Variants in ZNF536 observed in about 807,000 individuals in gnomAD.
ZNF536 encodes the protein zinc finger protein 536.
A neutral mutation model predicts 84.5 loss-of-function variants in ZNF536; 13 were observed. The ratio of observed to expected loss-of-function variants is 0.15; its 90% CI spans 0.10 to 0.24. The LOEUF (loss-of-function observed/expected upper bound fraction) is 0.24. Among genes scored for constraint, ZNF536 ranks in the 10% least tolerant of loss-of-function variants. The pLI is 1.00. For missense variants in ZNF536, 1,536 were observed against 1,747.5 expected (o/e 0.88, Z 2.16); for synonymous variants, 811 against 742.5 (o/e 1.09, Z -1.50).
chr19:30,390,963 G>A (rs561635106), intron 1 of ZNF536, among the ~76,000 whole-genome samples: 1 of 152,314 alleles, frequency 6.6e-6, no homozygotes, highest in East Asian at 1.9e-4. Context: ...AACCTCGGGG[G>A]CTACGTGCCC....
intron 1 of ZNF536, among the ~76,000 whole-genome samples, chr19:30,604,859 T>G (rs1312836588): frequency 6.6e-6 from 1 of 152,174 alleles, no homozygotes; most frequent in Non-Finnish European, 1.5e-5. Flanking sequence ...GGCCCTGAAA[T>G]CTTCGTGCAT....
chr19:30,270,351 C>G (rs1025266276), intron 1 of ZNF536, among the ~76,000 whole-genome samples: 1 of 152,206 alleles, frequency 6.6e-6, no homozygotes, highest in African/African-American at 2.4e-5. Context: ...CCTTCTATTA[C>G]CTCAGGTAAA....
intron 1 of ZNF536, among the ~76,000 whole-genome samples, chr19:30,633,826 G>A (rs1395172136): frequency 3.3e-5 from 5 of 151,564 alleles, no homozygotes; most frequent in East Asian, 1.9e-4. Context: ...CTCCTGCCTC[G>A]GCCTCCCAAA....
At chr19:30,494,172 TCAGAA>T (rs2054620998) in intron 2 of ZNF536, among the ~76,000 whole-genome samples, 1 of 152,142 alleles carries the variant, frequency 6.6e-6, no homozygotes, top group African/African-American at 2.4e-5. Context: ...GATTCTGAGA[TCAGAA>T]CAGAATTGAC....
chr19:30,386,159 G>A (rs1053781448), intron 1 of ZNF536, among the ~76,000 whole-genome samples: 28 of 152,208 alleles, frequency 1.8e-4, no homozygotes, highest in African/African-American at 6.0e-4. Context: ...GTCTTAGAAA[G>A]CCAGCCACTT....
intron 2 of ZNF536, among the ~76,000 whole-genome samples, chr19:30,453,024 A>G (rs1035728620): frequency 5.3e-5 from 8 of 151,970 alleles, no homozygotes; most frequent in African/African-American, 1.9e-4. Context: ...CTCCCCAGGA[A>G]GTGAGCTTTG....
At chr19:30,665,472 A>AAGCTT (rs1371705754) in intron 1 of ZNF536, 1 of 152,202 alleles carries the variant, frequency 6.6e-6, no homozygotes, top group African/African-American at 2.4e-5. Flanking sequence ...TCAGTGGAGG[A>AAGCTT]AGCTTAGCTC....
intron 1 of ZNF536, among the ~76,000 whole-genome samples, chr19:30,236,429 GC>G (rs561935843): frequency 8.0e-5 from 12 of 149,644 alleles, no homozygotes; most frequent in Admixed American, 4.7e-4. Context: ...TTTTGTTTCA[GC>G]CCCCCCACCC....
At chr19:30,287,432 TGG>T (rs1174745492) in intron 2 of ZNF536, among the ~76,000 whole-genome samples, 8 of 150,102 alleles carry the variant, frequency 5.3e-5, no homozygotes, top group Non-Finnish European at 1.0e-4. Flanking sequence ...AATAGACGGA[TGG>T]ATGGGTGGAT....
chr19:30,698,413 A>G (rs1301130015), intron 1 of ZNF536, among the ~76,000 whole-genome samples: 1 of 152,192 alleles, frequency 6.6e-6, no homozygotes, highest in Non-Finnish European at 1.5e-5. Flanking sequence ...ACGAAGCAAT[A>G]TTGACACATT....
intron 1 of ZNF536, among the ~76,000 whole-genome samples, chr19:30,435,209 ATGATGATGG>A (rs1180322867): frequency 1.3e-5 from 2 of 149,210 alleles, no homozygotes; most frequent in Non-Finnish European, 1.5e-5. Flanking sequence ...GATGATGGTG[ATGATGATGG>A]TGATGATGGT....
chr19:30,608,414 G>A (rs1469899823), intron 1 of ZNF536, among the ~76,000 whole-genome samples: 1 of 152,136 alleles, frequency 6.6e-6, no homozygotes, highest in Non-Finnish European at 1.5e-5. Flanking sequence ...TGAGACCCGG[G>A]AGACTTGTGT....
At chr19:30,243,621 C>T (rs765848985) in intron 1 of ZNF536, among the ~76,000 whole-genome samples, 1 of 152,048 alleles carries the variant, frequency 6.6e-6, no homozygotes, top group African/African-American at 2.4e-5. Flanking sequence ...TATATTTTTC[C>T]CCAACTTAGA....
In ZNF536 at chr19:30,423,602, C is replaced by A. The variant is rs143919092; in HGVS notation, c.-2-19959C>A. ...AGAATGCTGGGGTGAACAAGCAGTT[C>A]CATAGATCAGAGGTTGCACTTGCCA... On this transcript the variant is annotated intron_variant, in intron 1 of 4. Transcript: ENST00000355537. Among the ~76,000 whole-genome samples the A allele has an allele frequency of 3.7e-3, 561 of 152,336 alleles. 6 individuals carry two copies. Among genetic ancestry groups the A allele is most frequent in the Middle Eastern group, 0.024 (7 of 294 alleles).
intron 1 of ZNF536, among the ~76,000 whole-genome samples, chr19:30,607,954 C>T (rs1393056980): frequency 6.6e-6 from 1 of 152,014 alleles, no homozygotes; most frequent in East Asian, 1.9e-4. Flanking sequence ...GCATAGTATT[C>T]TATTAGACCA....
chr19:30,236,210 A>G (rs1322714889), intron 1 of ZNF536, among the ~76,000 whole-genome samples: 1 of 152,256 alleles, frequency 6.6e-6, no homozygotes, highest in African/African-American at 2.4e-5. Context: ...GTCTTGGCAA[A>G]GCCACTCTCT....
At chr19:30,292,003 T>TTGACAGGCTGCATTG (rs2045856274) in intron 2 of ZNF536, among the ~76,000 whole-genome samples, 1 of 152,240 alleles carries the variant, frequency 6.6e-6, no homozygotes, top group Non-Finnish European at 1.5e-5. Context: ...GCATTGACAC[T>TTGACAGGCTGCATTG]ACAAAGGCAG....
chr19:30,588,243 CCT>C (rs1317954020), intron 1 of ZNF536, among the ~76,000 whole-genome samples: 2 of 152,228 alleles, frequency 1.3e-5, no homozygotes. Context: ...TGTTCTGTCA[CCT>C]AACTGTTGAG....
intron 2 of ZNF536, among the ~76,000 whole-genome samples, chr19:30,452,613 CAT>C: frequency 6.6e-6 from 1 of 152,290 alleles, no homozygotes; most frequent in South Asian, 2.1e-4. Flanking sequence ...GTGCAGGGAG[CAT>C]TTGGAAGCCT....
Sources: allele counts gnomAD v4.1 joint callset (sites outside exome capture counted in the v4.1 genomes callset), GRCh38; gene constraint gnomAD v4.1.1; transcripts MANE v1.5; gene names NCBI Gene and HGNC (gene_info 2026-07-23, HGNC 2026-07-21).